The following ZSCAN32 variants were observed in gnomAD, a reference collection of about 807,000 sequenced individuals.
ZSCAN32 encodes the protein zinc finger and SCAN domain containing 32.
Under a neutral mutation model 47.4 loss-of-function variants are expected in ZSCAN32, and 52 were observed. The observed-to-expected ratio is 1.10, with a 90% CI of 0.88 to 1.38. The LOEUF (loss-of-function observed/expected upper bound fraction) is 1.38. Ranked by LOEUF, ZSCAN32 falls within the 40% of genes most tolerant of loss-of-function variation. ZSCAN32 has a pLI of 0.00. For missense variants in ZSCAN32, 959 were observed against 846.0 expected (o/e 1.13, Z -1.66); for synonymous variants, 346 against 305.7 (o/e 1.13, Z -1.38).
Position 3,383,243 on chromosome 16 carries a change from A to C in ZSCAN32, c.1703T>G (p.Leu568Arg), listed in dbSNP as rs1465426534. The change falls in exon 7 of 7, where the codon CTA becomes CGA. Residue 568 changes from leucine (L) to arginine (R), a missense_variant. Physicochemically the swap from Leu to Arg is moderately radical, Grantham distance 102 (BLOSUM62 -2). Transcript: ENST00000396852. ...GGGCCTCTCCCCTGTGTGAGTTCGT[A>C]GGTGGGCAGTGAGGTTGGAGCGCTC... ...FSERSNLTAH[L>R]RTHTGERPYQ... The C allele has an allele frequency of 2.5e-6, 4 of 1,614,064 alleles. No individual in the cohort carries two copies. The highest frequency in any genetic ancestry group is 2.2e-5 in the South Asian group (2 of 91,078).
chr16:3,384,067 C>A (rs2031619965), intron 6 of ZSCAN32: 1 of 450,520 alleles, frequency 2.2e-6, no homozygotes, highest in Non-Finnish European at 3.9e-6. Context: ...AAAAGGCAAC[C>A]CTGGGCTTGG....
intron 2 of ZSCAN32, among the ~76,000 whole-genome samples, chr16:3,394,701 G>C (rs1029310847): frequency 1.3e-5 from 2 of 152,152 alleles, no homozygotes; most frequent in Non-Finnish European, 2.9e-5. Flanking sequence ...CAGCCTAAAA[G>C]GCCCAGCATC....
chr16:3,393,566 T>A (rs1373704296), intron 3 of ZSCAN32, 83 bp downstream of exon 3: 1 of 1,345,730 alleles, frequency 7.4e-7, no homozygotes, highest in Admixed American at 2.9e-5. Flanking sequence ...CTGGAACCCT[T>A]GGGTGGACTC....
At chr16:3,397,051 T>C in intron 2 of ZSCAN32, 141 bp downstream of exon 2, 4 of 999,912 alleles carry the variant, frequency 4.0e-6, no homozygotes, top group Non-Finnish European at 4.3e-6. Context: ...TATAAGGGCA[T>C]AGGACCAATC....
chr16:3,398,314 C>G (rs2033567421), intron 1 of ZSCAN32, among the ~76,000 whole-genome samples: 1 of 152,070 alleles, frequency 6.6e-6, no homozygotes, highest in Non-Finnish European at 1.5e-5. Context: ...CTCTGTGGCT[C>G]CCACCCAAAA....
intron 1 of ZSCAN32, among the ~76,000 whole-genome samples, chr16:3,398,235 G>T (rs2150910398): frequency 6.6e-6 from 1 of 152,226 alleles, no homozygotes; most frequent in East Asian, 1.9e-4. Flanking sequence ...CCTAAGATTG[G>T]CCTTTTGAGA....
At chr16:3,398,494 G>A (rs189800903) in intron 1 of ZSCAN32, among the ~76,000 whole-genome samples, 69 of 152,252 alleles carry the variant, frequency 4.5e-4, no homozygotes, top group African/African-American at 1.2e-3. Flanking sequence ...GGTTCTGTGC[G>A]TATTAAACTC....
At chr16:3,385,096 G>A (rs891362503) in intron 5 of ZSCAN32, among the ~76,000 whole-genome samples, 155 bp from the exon 6 acceptor site, 1 of 152,092 alleles carries the variant, frequency 6.6e-6, no homozygotes, top group Non-Finnish European at 1.5e-5. Context: ...AGGCCAAGGC[G>A]GGCAGATCAT....
chr16:3,391,923 C>T (rs1224820011), intron 3 of ZSCAN32, among the ~76,000 whole-genome samples: 1 of 152,004 alleles, frequency 6.6e-6, no homozygotes, highest in Non-Finnish European at 1.5e-5. Context: ...AGAGCAAGAC[C>T]CTGTCTCTTA....
chr16:3,393,216 A>ATATT lies in ZSCAN32; in HGVS notation c.532+432_532+433insAATA. Among the ~76,000 whole-genome samples the ATATT allele has an allele frequency of 4.3e-4, 11 of 25,624 alleles. 2 individuals are homozygous for ATATT. The highest frequency in any genetic ancestry group is 2.4e-3 in the African/African-American group (7 of 2,922). The allele number at this position is 25,624 out of a possible 152,430, so 16.8% of individuals were successfully genotyped here. A position where few individuals can be genotyped will look rare whatever the true frequency, so the allele number is the denominator to read the frequency against. The stretch of plus-strand genomic sequence containing the variant: ...TATATATATATTTATATTTATATAT[A>ATATT]TATATATATATAAATTTATATATTT... On this transcript the variant is annotated intron_variant, in intron 3 of 6. Transcript: ENST00000396852.
chr16:3,384,973 G>C (rs2031776967), intron 5 of ZSCAN32, 32 bp from the exon 6 acceptor site: 1 of 1,593,106 alleles, frequency 6.3e-7, no homozygotes. Context: ...AATTAGATCT[G>C]TCAGTTAGAT....
At position 3,393,788 on chromosome 16, in the gene ZSCAN32, T is replaced by C. The variant is rs1303959818; in HGVS notation, c.393A>G (p.Lys131=). ...QQVLDSEKDL[K]VLMKEMAPLG... ...AAGGGGCCATCTCCTTCATGAGTAC[T>C]TTCAAGTCCTTCTCAGAATCTAGAA... Residue 131 remains lysine (K), a synonymous_variant, in exon 3 of 7, where the codon AAA becomes AAG. Transcript: ENST00000396852. The C allele has an allele frequency of 6.5e-6, 10 of 1,549,618 alleles. No individual in the cohort carries two copies. Among genetic ancestry groups the C allele is most frequent in the Admixed American group, 2.0e-5 (1 of 50,936 alleles).
chr16:3,397,782 A>C, intron 1 of ZSCAN32, 38 bp from the exon 2 acceptor site: 1 of 467,690 alleles, frequency 2.1e-6, no homozygotes, highest in Non-Finnish European at 3.7e-6. Flanking sequence ...AACCTATCAA[A>C]CATTCCTTCA....
intron 3 of ZSCAN32, among the ~76,000 whole-genome samples, chr16:3,392,768 G>A (rs2032872091): frequency 6.6e-6 from 1 of 152,074 alleles, no homozygotes; most frequent in African/African-American, 2.4e-5. Flanking sequence ...AGAGCTTGCA[G>A]TAAGCCAAGA....
chr16:3,383,985 A>C (rs1037194756), intron 6 of ZSCAN32: 8 of 470,474 alleles, frequency 1.7e-5, no homozygotes, highest in Non-Finnish European at 3.0e-5. Flanking sequence ...ATTAAGCACT[A>C]TATCATCTGC....
In ZSCAN32 at chr16:3,384,561, C is replaced by G; in HGVS notation, c.1132G>C (p.Asp378His). Reference sequence around the variant, plus strand: ...CTGTCTGCACCATCCACAGTGCCATCTTCTACCTCCGTGGGTTCCCCATTC... The same window carrying G: ...CTGTCTGCACCATCCACAGTGCCATGTTCTACCTCCGTGGGTTCCCCATTC... ...HQNGEPTEVE[D>H]GTVDGADRDE... Residue 378 changes from aspartate (D) to histidine (H), a missense_variant, in exon 6 of 7, where the codon GAT (aspartate) becomes CAT (histidine). Coordinates refer to ENST00000396852, the MANE Select transcript of ZSCAN32 (RefSeq NM_001284527.2). 6.2e-7 allele frequency: 1 copy of G among 1,614,210 alleles called. No individual in the cohort carries two copies. Among genetic ancestry groups the G allele is most frequent in the Non-Finnish European group, 8.5e-7 (1 of 1,180,044 alleles).
In ZSCAN32 at chr16:3,384,746, C is replaced by T; in HGVS notation, c.947G>A (p.Ser316Asn). 1 of 1,614,216 alleles carries T rather than the reference C, an allele frequency of 6.2e-7. No individual in the cohort carries two copies. Reference protein sequence around the residue: ...CRTKFKSLQLSYRKVRRGRVP... With the variant: ...CRTKFKSLQLNYRKVRRGRVP... The stretch of plus-strand genomic sequence containing the variant: ...ACGGCCTCTCCTCACTTTGCGGTAA[C>T]TCAACTGTAGGCTTTTGAACTTGGT... The change falls in exon 6 of 7, where the codon AGT becomes AAT. Residue 316 changes from serine (S) to asparagine (N), a missense_variant. Coordinates refer to ENST00000396852, the MANE Select transcript of ZSCAN32 (RefSeq NM_001284527.2).
At chr16:3,399,980 A>G (rs1439302000) in intron 1 of ZSCAN32, among the ~76,000 whole-genome samples, 2 of 152,100 alleles carry the variant, frequency 1.3e-5, no homozygotes, top group Non-Finnish European at 2.9e-5. Context: ...CGTAATTTAC[A>G]TTTTCTCCAG....
chr16:3,397,874 T>C (rs1596239306), intron 1 of ZSCAN32, 130 bp from the exon 2 acceptor site: 1 of 253,162 alleles, frequency 4.0e-6, no homozygotes, highest in Non-Finnish European at 7.6e-6. Flanking sequence ...ACACTAGAAA[T>C]AGATCTAGAC....
Sources: gnomAD v4.1 joint callset for allele counts (sites outside exome capture counted in the v4.1 genomes callset) on GRCh38, gnomAD v4.1.1 for gene constraint, MANE v1.5 for transcripts, NCBI Gene and HGNC (gene_info 2026-07-23, HGNC 2026-07-21) for gene names.